Variants in SMYD3 observed in about 807,000 individuals in gnomAD.
SMYD3 encodes SET and MYND domain containing 3.
SMYD3 carries 36 observed loss-of-function variants against 57.7 expected under a neutral mutation model. The observed-to-expected ratio is 0.62, with a 90% CI of 0.48 to 0.82. SMYD3 has a LOEUF of 0.82. SMYD3 is among the 40% of genes least tolerant of loss of function. The pLI is 0.00. For missense variants in SMYD3, 515 were observed against 538.8 expected, an observed-to-expected ratio of 0.96 and a Z score of 0.44; for synonymous variants, 211 against 195.0, an observed-to-expected ratio of 1.08 and a Z score of -0.68.
chr1:245,897,812 T>G (rs1458400563), intron 8 of SMYD3, among the ~76,000 whole-genome samples: 2 of 151,968 alleles, frequency 1.3e-5, no homozygotes, highest in Non-Finnish European at 1.5e-5. Flanking sequence ...GGCAGGAGAA[T>G]TACTGAAACC....
chr1:245,822,788 C>T (rs575868415), intron 10 of SMYD3, among the ~76,000 whole-genome samples: 1 of 152,144 alleles, frequency 6.6e-6, no homozygotes, highest in Non-Finnish European at 1.5e-5. Context: ...TCCATAGTTC[C>T]TCTTAACTCC....
rs146435857 is a variant in SMYD3, at chr1:246,240,908, A to G, written c.531+86293T>C. Among the ~76,000 whole-genome samples, 100 of 152,116 alleles carry G rather than the reference A, an allele frequency of 6.6e-4. 1 individual carries two copies. In the East Asian group the frequency reaches 0.018, roughly 28 times the overall value. On this transcript the variant is annotated intron_variant, in intron 5 of 11. Transcript: ENST00000490107. ...CTCTCTGTTTGTCTGTTATTGGAGT[A>G]TAAGAATGCTTGTGATTTTTGCACA...
intron 8 of SMYD3, among the ~76,000 whole-genome samples, chr1:245,864,983 T>C (rs1558436151): frequency 6.6e-6 from 1 of 152,202 alleles, no homozygotes; most frequent in Non-Finnish European, 1.5e-5. Context: ...ATGTCTGCCC[T>C]CCTATTCAGT....
rs138979068 is a variant in SMYD3 at position 246,219,512 on chromosome 1, G to A, written c.531+107689C>T. ...GCATTTATCATCCTTCAATTCATTC[G>A]TGTGACTTCATTTCTCCCAGATGCC... is the stretch of plus-strand genomic sequence containing the variant. On this transcript the variant is annotated intron_variant, in intron 5 of 11. Coordinates refer to ENST00000490107, the MANE Select transcript of SMYD3 (RefSeq NM_001167740.2). Among the ~76,000 whole-genome samples the A allele has an allele frequency of 3.9e-3, 596 of 152,122 alleles. 4 individuals carry two copies. Among genetic ancestry groups the A allele is most frequent in the Non-Finnish European group, 6.4e-3 (434 of 67,996 alleles).
intron 5 of SMYD3, among the ~76,000 whole-genome samples, chr1:246,270,709 T>C (rs1385779392): frequency 1.3e-5 from 2 of 152,244 alleles, no homozygotes; most frequent in African/African-American, 4.8e-5. Flanking sequence ...TACCACATTT[T>C]GTTTTCAGAT....
rs142984566 is a variant in SMYD3 at position 246,181,486 on chromosome 1, T to C, written c.531+145715A>G. On this transcript the variant is annotated intron_variant, in intron 5 of 11. Coordinates refer to ENST00000490107, the MANE Select transcript of SMYD3 (RefSeq NM_001167740.2). Reference sequence around the variant, plus strand: ...AGTACATCTGACATCCTGTCTGACATCTAGAGGACTCAGGAAATTCAAAGA... The same window carrying C: ...AGTACATCTGACATCCTGTCTGACACCTAGAGGACTCAGGAAATTCAAAGA... 1.9e-3 allele frequency among the ~76,000 whole-genome samples: 294 copies of C among 152,322 alleles called. 2 individuals carry two copies. Among genetic ancestry groups the C allele is most frequent in the Non-Finnish European group, 1.4e-3 (94 of 68,036 alleles).
intron 5 of SMYD3, among the ~76,000 whole-genome samples, chr1:246,099,231 G>A (rs1346597929): frequency 6.6e-6 from 1 of 152,080 alleles, no homozygotes; most frequent in Non-Finnish European, 1.5e-5. Flanking sequence ...TTGTTTCATG[G>A]CCGGCTGTGA....
intron 10 of SMYD3, among the ~76,000 whole-genome samples, chr1:245,815,605 T>A (rs1013635666): frequency 6.6e-6 from 1 of 152,232 alleles, no homozygotes; most frequent in Non-Finnish European, 1.5e-5. Flanking sequence ...CATAGCCAGA[T>A]GGCTGGTGGT....
intron 5 of SMYD3, among the ~76,000 whole-genome samples, chr1:246,088,752 A>T (rs890834056): frequency 6.6e-6 from 1 of 152,128 alleles, no homozygotes; most frequent in Non-Finnish European, 1.5e-5. Flanking sequence ...AAGTTTGAAA[A>T]ATTAGCTTTG....
intron 1 of SMYD3, among the ~76,000 whole-genome samples, chr1:246,436,896 C>CTTTT (rs1161775810): frequency 8.9e-6 from 1 of 111,908 alleles, no homozygotes; most frequent in East Asian, 2.8e-4. Flanking sequence ...GCCAGAGTTT[C>CTTTT]TTTCTTTTTT....
chr1:246,103,075 T>C (rs2061048266), intron 5 of SMYD3, among the ~76,000 whole-genome samples: 1 of 152,146 alleles, frequency 6.6e-6, no homozygotes, highest in Non-Finnish European at 1.5e-5. Flanking sequence ...TGTATTTCTA[T>C]CCACAACTCA....
chr1:246,116,021 C>T (rs182124970), intron 5 of SMYD3, among the ~76,000 whole-genome samples: 191 of 152,218 alleles, frequency 1.3e-3, no homozygotes, highest in Middle Eastern at 3.4e-3. Context: ...TGCCTGTAAT[C>T]CCAAGCTACT....
At chr1:246,330,158 A>G (rs1318778683) in intron 4 of SMYD3, among the ~76,000 whole-genome samples, 2 of 152,204 alleles carry the variant, frequency 1.3e-5, no homozygotes, top group African/African-American at 4.8e-5. Context: ...TCAAAAAGAA[A>G]ACAGAACAGG....
intron 5 of SMYD3, among the ~76,000 whole-genome samples, chr1:246,254,084 T>C (rs1283641962): frequency 6.6e-6 from 1 of 152,228 alleles, no homozygotes; most frequent in Non-Finnish European, 1.5e-5. Context: ...TTGCCAACAT[T>C]TTCTCTCATT....
intron 5 of SMYD3, among the ~76,000 whole-genome samples, chr1:246,080,973 T>C (rs1380211289): frequency 1.3e-5 from 2 of 152,202 alleles, no homozygotes; most frequent in African/African-American, 2.4e-5. Context: ...GGATAATTAG[T>C]GTGTGTAATC....
chr1:246,385,701 C>T (rs1572447322), intron 1 of SMYD3, among the ~76,000 whole-genome samples: 1 of 152,098 alleles, frequency 6.6e-6, no homozygotes, highest in African/African-American at 2.4e-5. Context: ...GGACATGGAC[C>T]ATCAAAAGCG....
At position 246,355,384 on chromosome 1, in the gene SMYD3, A is replaced by G. The variant is rs1278273830; in HGVS notation, c.165-290T>C. 1.7e-5 allele frequency: 6 copies of G among 343,978 alleles called. No homozygotes were observed. In the Admixed American group the frequency reaches 2.7e-4, roughly 16 times the overall value. The allele number at this position is 343,978 out of a possible 1,614,324, so 21.3% of individuals were successfully genotyped here. Reference sequence around the variant, plus strand: ...GACAGAGCAGCGTGTGGGGACTCACACTGTGAACTTTTGATCCAACAACTG... The same window carrying G: ...GACAGAGCAGCGTGTGGGGACTCACGCTGTGAACTTTTGATCCAACAACTG... On this transcript the variant is annotated intron_variant, in intron 1 of 11. Transcript: ENST00000490107. The surrounding 1 kb of genome is among the most constrained non-coding windows in gnomAD (Gnocchi z 5.0).
At chr1:246,478,712 CGT>C in intron 1 of SMYD3, among the ~76,000 whole-genome samples, 2 of 75,092 alleles carry the variant, frequency 2.7e-5, no homozygotes, top group African/African-American at 9.6e-5. Context: ...GGAGCTGGTA[CGT>C]AAGTGCTCAT....
intron 5 of SMYD3, among the ~76,000 whole-genome samples, chr1:245,943,267 A>G (rs1049109428): frequency 2.0e-5 from 3 of 147,238 alleles, no homozygotes; most frequent in African/African-American, 5.0e-5. Flanking sequence ...AAAAAGGGAG[A>G]GGAATCAAAC....
Sources: gnomAD v4.1 joint callset for allele counts (sites outside exome capture counted in the v4.1 genomes callset) on GRCh38, gnomAD v4.1.1 for gene constraint, Gnocchi (gnomAD v3.1) non-coding constraint, MANE v1.5 for transcripts, NCBI Gene and HGNC (gene_info 2026-07-23, HGNC 2026-07-21) for gene names.